Variants in CALN1 observed in about 807,000 individuals in gnomAD.
CALN1 encodes the protein calcium-binding protein 8.
In CALN1, 17 loss-of-function variants were observed where a neutral mutation model predicts 30.6. The observed-to-expected ratio is 0.56, with a 90% CI of 0.38 to 0.83. CALN1 has a LOEUF of 0.83. Among genes scored for constraint, CALN1 ranks in the 40% least tolerant of loss-of-function variants. The probability of loss-of-function intolerance (pLI) is 0.00; values close to 1 mark genes in which losing one functional copy is unlikely to be tolerated. For synonymous variants in CALN1, 156 were observed against 131.4 expected, an observed-to-expected ratio of 1.19 and a Z score of -1.28; for missense variants, 291 against 354.9, an observed-to-expected ratio of 0.82 and a Z score of 1.45.
chr7:72,236,529 A>T (rs1385426348), intron 3 of CALN1, among the ~76,000 whole-genome samples: 1 of 152,250 alleles, frequency 6.6e-6, no homozygotes, highest in Non-Finnish European at 1.5e-5. Flanking sequence ...CAAAGACCCA[A>T]GGAGAACCTC....
intron 3 of CALN1, among the ~76,000 whole-genome samples, chr7:72,125,188 T>C (rs1808660406): frequency 6.7e-6 from 1 of 150,310 alleles, no homozygotes; most frequent in African/African-American, 2.4e-5. Flanking sequence ...AATCTGTGTA[T>C]TTTTTTGGTA....
chr7:71,782,151 C>A lies in CALN1; in HGVS notation c.*5624G>T, dbSNP rs1382818639. 1 of 152,196 alleles carries A rather than the reference C, an allele frequency of 6.6e-6. No homozygotes were observed. The highest frequency in any genetic ancestry group is 1.5e-5 in the Non-Finnish European group (1 of 68,060). 9.4% of individuals were successfully genotyped at this position (152,196 alleles called of 1,614,324 possible). On this transcript the variant is annotated 3_prime_UTR_variant, in exon 7 of 7. Transcript: ENST00000395275. The stretch of plus-strand genomic sequence containing the variant: ...ATAGAGGCTGGATATTTGTTCCCCC[C>A]AAATTTCATGTTGATCTCCAGTGCT...
intron 3 of CALN1, among the ~76,000 whole-genome samples, chr7:72,123,785 A>G (rs1808557885): frequency 6.6e-6 from 1 of 152,202 alleles, no homozygotes; most frequent in African/African-American, 2.4e-5. Context: ...GGGTGCATAA[A>G]TATCCCATTA....
intron 2 of CALN1, among the ~76,000 whole-genome samples, chr7:72,393,492 A>G (rs1345252615): frequency 2.0e-5 from 3 of 152,070 alleles, no homozygotes; most frequent in African/African-American, 7.2e-5. Context: ...AAAAACTAGC[A>G]TTCTACACCA....
intron 3 of CALN1, among the ~76,000 whole-genome samples, chr7:72,241,304 G>C (rs1035347343): frequency 2.6e-5 from 4 of 151,974 alleles, no homozygotes; most frequent in Non-Finnish European, 5.9e-5. Flanking sequence ...TCTCAGACTT[G>C]TGCACTGCAT....
At chr7:71,980,810 G>A (rs368811338) in intron 5 of CALN1, among the ~76,000 whole-genome samples, 3 of 152,096 alleles carry the variant, frequency 2.0e-5, no homozygotes, top group South Asian at 2.1e-4. Context: ...GAGAGGTAGC[G>A]GGGTGCTCCT....
intron 2 of CALN1, among the ~76,000 whole-genome samples, chr7:72,317,771 G>A (rs951710949): frequency 1.3e-5 from 2 of 152,092 alleles, no homozygotes; most frequent in African/African-American, 2.4e-5. Flanking sequence ...AGAACTCAAT[G>A]TCTCCCTCCA....
At chr7:72,356,735 G>C (rs763791075) in intron 2 of CALN1, among the ~76,000 whole-genome samples, 4 of 151,828 alleles carry the variant, frequency 2.6e-5, no homozygotes, top group Non-Finnish European at 5.9e-5. Context: ...AATAATCAAA[G>C]AACTAGAAGA....
chr7:72,098,457 A>C (rs1187515942), intron 4 of CALN1, among the ~76,000 whole-genome samples: 2 of 152,072 alleles, frequency 1.3e-5, no homozygotes, highest in Non-Finnish European at 2.9e-5. Context: ...TAATCCCACC[A>C]CTTAGCGAGG....
At chr7:72,497,924 G>C in the CALN1 span, among the ~76,000 whole-genome samples, 1 of 152,136 alleles carries the variant, frequency 6.6e-6, no homozygotes, top group African/African-American at 2.4e-5. Context: ...TTTTACAGAA[G>C]AGAAATTGGT....
intron 3 of CALN1, among the ~76,000 whole-genome samples, chr7:72,221,163 G>A (rs1476998399): frequency 2.0e-5 from 3 of 152,066 alleles, no homozygotes; most frequent in African/African-American, 7.2e-5. Flanking sequence ...TTGGCGAAAG[G>A]GTGGTGAAAG....
At chr7:72,488,965 A>C in the CALN1 span, among the ~76,000 whole-genome samples, 1 of 152,222 alleles carries the variant, frequency 6.6e-6, no homozygotes, top group Non-Finnish European at 1.5e-5. Context: ...AGCTGGAAGC[A>C]TAGGAGAGCC....
At chr7:72,397,035 A>G (rs1470130522) in intron 2 of CALN1, among the ~76,000 whole-genome samples, 2 of 151,956 alleles carry the variant, frequency 1.3e-5, no homozygotes, top group African/African-American at 4.8e-5. Context: ...CTCAGCCTCC[A>G]AAGTGGCTAG....
At chr7:72,051,606 A>C (rs1802842684) in intron 4 of CALN1, among the ~76,000 whole-genome samples, 1 of 152,226 alleles carries the variant, frequency 6.6e-6, no homozygotes, top group South Asian at 2.1e-4. Flanking sequence ...CTCATACAAA[A>C]ATACACAAAA....
intron 2 of CALN1, among the ~76,000 whole-genome samples, chr7:72,292,089 A>G (rs1482357563): frequency 6.6e-6 from 1 of 151,948 alleles, no homozygotes; most frequent in Non-Finnish European, 1.5e-5. Flanking sequence ...TAGGTTGTAC[A>G]AGAATAATTG....
chr7:71,910,328 T>G (rs918633345), intron 5 of CALN1, among the ~76,000 whole-genome samples: 2 of 152,336 alleles, frequency 1.3e-5, no homozygotes, highest in East Asian at 3.9e-4. Context: ...ACATCACTTC[T>G]GCCCAAGTTT....
intron 3 of CALN1, among the ~76,000 whole-genome samples, chr7:72,153,984 T>C (rs1787461066): frequency 6.6e-6 from 1 of 151,852 alleles, no homozygotes; most frequent in African/African-American, 2.4e-5. Flanking sequence ...GGCAGTGGAG[T>C]GGACACTGGC....
At chr7:71,982,786 A>G (rs1330229158) in intron 5 of CALN1, among the ~76,000 whole-genome samples, 1 of 152,178 alleles carries the variant, frequency 6.6e-6, no homozygotes, top group Admixed American at 6.5e-5. Context: ...TTCCTTTTCT[A>G]ACAAACAGCA....
In CALN1 at chr7:71,922,862, GTATAT is replaced by G. The variant is rs1490741595; in HGVS notation, c.501+100790_501+100794del. ...ATATATAATATATAATATACACAAT[GTATAT>G]TAATATATAAACATATATATTAATA... On this transcript the variant is annotated intron_variant, in intron 5 of 6. Coordinates refer to ENST00000395275, the MANE Select transcript of CALN1 (RefSeq NM_031468.4). 1.1e-3 allele frequency among the ~76,000 whole-genome samples: 147 copies of G among 130,320 alleles called. 1 individual carries two copies. The highest frequency in any genetic ancestry group is 2.3e-3 in the Admixed American group (28 of 12,112). The allele number at this position is 130,320 out of a possible 152,430, so 85.5% of individuals were successfully genotyped here.
Sources: allele counts gnomAD v4.1 joint callset (sites outside exome capture counted in the v4.1 genomes callset), GRCh38; gene constraint gnomAD v4.1.1; transcripts MANE v1.5; gene names NCBI Gene and HGNC (gene_info 2026-07-23, HGNC 2026-07-21).